The following EPHA6 variants were observed in gnomAD, a reference collection of about 807,000 sequenced individuals.
The protein encoded by EPHA6 is EPH receptor A6, also known as ephrin type-A receptor 6.
In EPHA6, 50 loss-of-function variants were observed where a neutral mutation model predicts 112.0. That is an observed-to-expected ratio of 0.45 (90% confidence interval 0.36 to 0.56). The LOEUF (loss-of-function observed/expected upper bound fraction) is 0.56. EPHA6 is among the 20% of genes least tolerant of loss of function. The probability of loss-of-function intolerance (pLI) is 0.00; values close to 1 mark genes in which losing one functional copy is unlikely to be tolerated. For synonymous variants in EPHA6, 529 were observed against 490.7 expected (o/e 1.08, Z -1.03); for missense variants, 1,280 against 1,417.4 (o/e 0.90, Z 1.56).
At chr3:97,325,452 T>A (rs2108799471) in intron 5 of EPHA6, among the ~76,000 whole-genome samples, 1 of 152,260 alleles carries the variant, frequency 6.6e-6, no homozygotes, top group Middle Eastern at 3.4e-3. Context: ...GACATTGGAT[T>A]AGGGCTCACT....
At chr3:96,849,659 A>G (rs1361764430) in intron 1 of EPHA6, among the ~76,000 whole-genome samples, 1 of 152,132 alleles carries the variant, frequency 6.6e-6, no homozygotes. Flanking sequence ...TCACAAGATC[A>G]GAGAGGCCTT....
Position 97,751,340 on chromosome 3 carries a change from G to A in EPHA6, c.*2639G>A, listed in dbSNP as rs1205432355. On this transcript the variant is annotated 3_prime_UTR_variant, in exon 18 of 18. Transcript: ENST00000389672. ...TTTCTTTCTCTAACATCTTTTGATA[G>A]TATCATAAAACTACTTTTTGCTTTG... is the stretch of plus-strand genomic sequence containing the variant. Among the ~76,000 whole-genome samples, 1 of 151,950 alleles carries A rather than the reference G, an allele frequency of 6.6e-6. No homozygotes were observed. Among genetic ancestry groups the A allele is most frequent in the African/African-American group, 2.4e-5 (1 of 41,368 alleles).
At chr3:97,295,179 G>T (rs1458958077) in intron 5 of EPHA6, among the ~76,000 whole-genome samples, 18 of 152,010 alleles carry the variant, frequency 1.2e-4, no homozygotes, top group African/African-American at 3.9e-4. Context: ...TATGACTTTG[G>T]TCTCCTCCTT....
intron 3 of EPHA6, among the ~76,000 whole-genome samples, chr3:97,221,983 G>A (rs1451097740): frequency 6.7e-6 from 1 of 149,224 alleles, no homozygotes; most frequent in Non-Finnish European, 1.5e-5. Flanking sequence ...AGCCGAGATC[G>A]CACCACTGCA....
At chr3:96,870,219 C>T (rs2036557061) in intron 2 of EPHA6, among the ~76,000 whole-genome samples, 1 of 151,960 alleles carries the variant, frequency 6.6e-6, no homozygotes, top group African/African-American at 2.4e-5. Context: ...CATGAAATCC[C>T]ATGATCTACA....
intron 7 of EPHA6, among the ~76,000 whole-genome samples, chr3:97,472,036 TCTTTGTCTTCTCCA>T (rs1312049505): frequency 6.6e-6 from 1 of 151,718 alleles, no homozygotes; most frequent in Non-Finnish European, 1.5e-5. Context: ...GGCCTTCTCG[TCTTTGTCTTCTCCA>T]CTTTTCTCTC....
At chr3:97,481,230 T>G in intron 9 of EPHA6, 1 of 1,359,856 alleles carries the variant, frequency 7.4e-7, no homozygotes. Flanking sequence ...TCCATTACTA[T>G]TTGGACTTTT....
chr3:97,099,131 T>G (rs998681249), intron 3 of EPHA6, among the ~76,000 whole-genome samples: 1 of 151,948 alleles, frequency 6.6e-6, no homozygotes, highest in Non-Finnish European at 1.5e-5. Context: ...ATTATTCCAG[T>G]GAATTGAAGC....
chr3:97,639,716 T>A (rs989900797), intron 14 of EPHA6, among the ~76,000 whole-genome samples: 1 of 152,188 alleles, frequency 6.6e-6, no homozygotes, highest in African/African-American at 2.4e-5. Flanking sequence ...TTTTGTTACA[T>A]CAAATTTAAC....
At chr3:97,640,790 A>G (rs538814932) in intron 14 of EPHA6, among the ~76,000 whole-genome samples, 2 of 152,076 alleles carry the variant, frequency 1.3e-5, no homozygotes, top group African/African-American at 2.4e-5. Context: ...CAAAAAAAAA[A>G]CAAAAGATAT....
rs748561076 is a variant in EPHA6, at chr3:97,405,100, T to A, written c.1607-50T>A. On this transcript the variant is annotated intron_variant, in intron 5 of 17. Transcript: ENST00000389672. ...AGAGAAAATATTAAAGAAAGGATAA[T>A]GGAAAATGATTCCTGCCAATTAATT... 1.3e-5 allele frequency: 20 copies of A among 1,541,806 alleles called. No individual in the cohort carries two copies. The African/African-American group carries it at 2.3e-4, about 18-fold the overall frequency.
chr3:97,741,191 T>C (rs1182360258), intron 16 of EPHA6, among the ~76,000 whole-genome samples: 1 of 151,396 alleles, frequency 6.6e-6, no homozygotes, highest in East Asian at 2.0e-4. Flanking sequence ...CTACAAAAAA[T>C]TAAAAACTAA....
At chr3:97,695,666 G>A (rs184262071) in intron 14 of EPHA6, among the ~76,000 whole-genome samples, 3 of 152,254 alleles carry the variant, frequency 2.0e-5, no homozygotes, top group African/African-American at 4.8e-5. Context: ...TCAGCTTCCC[G>A]AGTGTCTGGG....
At chr3:97,042,542 ACT>A (rs1243198681) in intron 3 of EPHA6, among the ~76,000 whole-genome samples, 2 of 151,874 alleles carry the variant, frequency 1.3e-5, no homozygotes, top group Admixed American at 6.6e-5. Flanking sequence ...TGAGCACCTA[ACT>A]CTTTGAAAAG....
In EPHA6 at chr3:97,448,583, A is replaced by G; in HGVS notation, c.1747A>G (p.Thr583Ala). 8 of 1,613,358 alleles carry G rather than the reference A, an allele frequency of 5.0e-6. No individual in the cohort carries two copies. Among genetic ancestry groups the G allele is most frequent in the Non-Finnish European group, 6.8e-6 (8 of 1,179,502 alleles). Residue 583 changes from threonine (T) to alanine (A), a missense_variant, in exon 7 of 18, where the codon ACC becomes GCC. Around this residue, in one of 4 missense-constraint regions of EPHA6, gnomAD observed 878 missense variants for 999.7 expected, o/e 0.88. Transcript: ENST00000389672. ...KYYEKEHEQL[T>A]YSSTRSKAPS... ...TGTCCCCCAGGAACATGAGCAGCTG[A>G]CCTACTCTTCCACAAGGTCCAAAGC...
At chr3:97,102,060 C>A (rs1259870604) in intron 3 of EPHA6, among the ~76,000 whole-genome samples, 1 of 152,062 alleles carries the variant, frequency 6.6e-6, no homozygotes, top group Non-Finnish European at 1.5e-5. Flanking sequence ...GCTAGGTCAT[C>A]AGAAGCCTTG....
At chr3:96,839,692 A>G (rs891588580) in intron 1 of EPHA6, among the ~76,000 whole-genome samples, 1 of 152,122 alleles carries the variant, frequency 6.6e-6, no homozygotes, top group Non-Finnish European at 1.5e-5. Context: ...TAGTTAAAAA[A>G]TAGTTATGAT....
intron 5 of EPHA6, among the ~76,000 whole-genome samples, chr3:97,331,959 G>A (rs895775989): frequency 4.6e-5 from 7 of 151,918 alleles, no homozygotes; most frequent in East Asian, 1.9e-4. Flanking sequence ...AACAAAAAAA[G>A]AGAATTTTAG....
At chr3:97,279,049 A>G (rs2080197896) in intron 5 of EPHA6, among the ~76,000 whole-genome samples, 1 of 152,192 alleles carries the variant, frequency 6.6e-6, no homozygotes, top group East Asian at 1.9e-4. Context: ...CAACAATTAT[A>G]ATCTATTACA....
Sources: gnomAD v4.1 joint callset for allele counts (sites outside exome capture counted in the v4.1 genomes callset) on GRCh38, gnomAD v4.1.1 for gene constraint, gnomAD v4.1.1 regional missense constraint, MANE v1.5 for transcripts, NCBI Gene and HGNC (gene_info 2026-07-23, HGNC 2026-07-21) for gene names.